The following MMS22L variants were observed in gnomAD, a reference collection of about 807,000 sequenced individuals.
MMS22L encodes MMS22 like, DNA repair protein, also known as protein MMS22-like.
MMS22L carries 74 observed loss-of-function variants against 159.1 expected under a neutral mutation model. That is an observed-to-expected ratio of 0.47 (90% CI 0.39 to 0.56). MMS22L has a LOEUF of 0.56. Among genes scored for constraint, MMS22L ranks in the 20% least tolerant of loss-of-function variants. MMS22L has a pLI of 0.00. For missense variants in MMS22L, 1,351 were observed against 1,422.1 expected, an observed-to-expected ratio of 0.95 and a Z score of 0.80; for synonymous variants, 517 against 506.9, an observed-to-expected ratio of 1.02 and a Z score of -0.27.
chr6:97,240,766 A>T (rs1811969560), intron 11 of MMS22L, among the ~76,000 whole-genome samples: 1 of 152,150 alleles, frequency 6.6e-6, no homozygotes, highest in South Asian at 2.1e-4. Flanking sequence ...AGATGAGATT[A>T]CAGGCACATG....
In MMS22L at chr6:97,228,996, T is replaced by C; in HGVS notation, c.1937A>G (p.Glu646Gly). 6.2e-7 allele frequency: 1 copy of C among 1,614,172 alleles called. No homozygotes were observed. Among genetic ancestry groups the C allele is most frequent in the Middle Eastern group, 1.6e-4 (1 of 6,062 alleles). Residue 646 changes from glutamate (E) to glycine (G), a missense_variant, in exon 14 of 25, where the codon GAA becomes GGA. Coordinates refer to ENST00000683635, the MANE Select transcript of MMS22L (RefSeq NM_001350599.2). The stretch of plus-strand genomic sequence containing the variant: ...ACTAAATCCATCATTAAGCAGTTTT[T>C]CATGGGAAGGATACAAGCAATAGCT... Reference protein sequence around the residue: ...ETSYCLYPSHEKLLNDGFSML... With the variant: ...ETSYCLYPSHGKLLNDGFSML...
intron 22 of MMS22L, among the ~76,000 whole-genome samples, chr6:97,155,936 TCA>T (rs1265410011): frequency 6.6e-6 from 1 of 152,084 alleles, no homozygotes; most frequent in Non-Finnish European, 1.5e-5. Context: ...TTGAACTAAT[TCA>T]CACTCCCAAC....
At position 97,228,980 on chromosome 6, in the gene MMS22L, A is replaced by G. The variant is rs756521734; in HGVS notation, c.1953T>C (p.Asp651=). The change falls in exon 14 of 25, where the codon GAT becomes GAC. Residue 651 remains aspartate, a synonymous_variant. Coordinates refer to ENST00000683635, the MANE Select transcript of MMS22L (RefSeq NM_001350599.2). ...ATGCTCGCAGAAGCATACTAAATCC[A>G]TCATTAAGCAGTTTTTCATGGGAAG... is the stretch of plus-strand genomic sequence containing the variant. ...LYPSHEKLLN[D]GFSMLLRACR... The G allele has an allele frequency of 3.1e-6, 5 of 1,614,154 alleles. No individual in the cohort carries two copies. The highest frequency in any genetic ancestry group is 4.2e-6 in the Non-Finnish European group (5 of 1,180,006).
At chr6:97,282,773 T>G (rs1055389074) in intron 1 of MMS22L, among the ~76,000 whole-genome samples, 1 of 152,184 alleles carries the variant, frequency 6.6e-6, no homozygotes, top group African/African-American at 2.4e-5. Flanking sequence ...AGTCGGGCTC[T>G]GCAGCCCAGG....
chr6:97,273,965 CT>C (rs1816009553), intron 4 of MMS22L, among the ~76,000 whole-genome samples: 1 of 152,122 alleles, frequency 6.6e-6, no homozygotes, highest in Non-Finnish European at 1.5e-5. Context: ...AAAATCAAAA[CT>C]CCTAATAATA....
intron 11 of MMS22L, among the ~76,000 whole-genome samples, chr6:97,243,805 C>A (rs1222040988): frequency 1.3e-5 from 2 of 152,174 alleles, no homozygotes; most frequent in Non-Finnish European, 2.9e-5. Flanking sequence ...TTCCTGAGAG[C>A]CAGACTGCAG....
At chr6:97,250,563 T>A (rs1813136494) in intron 10 of MMS22L, among the ~76,000 whole-genome samples, 1 of 152,124 alleles carries the variant, frequency 6.6e-6, no homozygotes. Flanking sequence ...TCTCATCTTG[T>A]CTGAGAGAAA....
chr6:97,205,901 A>G (rs997743472), intron 14 of MMS22L, among the ~76,000 whole-genome samples: 1 of 152,166 alleles, frequency 6.6e-6, no homozygotes, highest in African/African-American at 2.4e-5. Context: ...TAACTCTTCT[A>G]TTTGCAAAAT....
chr6:97,159,607 C>G (rs560370377), intron 22 of MMS22L, among the ~76,000 whole-genome samples: 2 of 151,862 alleles, frequency 1.3e-5, no homozygotes, highest in African/African-American at 4.8e-5. Context: ...TATATAGGTC[C>G]AGCATTCCAA....
chr6:97,201,497 C>T (rs577825604), intron 14 of MMS22L, among the ~76,000 whole-genome samples: 2 of 152,244 alleles, frequency 1.3e-5, no homozygotes, highest in South Asian at 2.1e-4. Flanking sequence ...CTGTTAGACC[C>T]AATAGTTTAT....
intron 3 of MMS22L, among the ~76,000 whole-genome samples, chr6:97,280,679 C>T (rs961804475): frequency 2.6e-5 from 4 of 151,886 alleles, no homozygotes; most frequent in African/African-American, 4.8e-5. Flanking sequence ...ATGGGTGAAA[C>T]GACATGATGC....
In MMS22L at chr6:97,252,469, A is replaced by T. The variant is rs533445649; in HGVS notation, c.1119+2088T>A. On this transcript the variant is annotated intron_variant, in intron 10 of 24. Transcript: ENST00000683635. ...AAACCAGCCTGGCCAACATGGTGAA[A>T]CCCCATCTCTACTAAAAATACAAAA... Among the ~76,000 whole-genome samples the T allele has an allele frequency of 1.7e-4, 26 of 151,872 alleles. No homozygotes were observed. In the South Asian group the frequency reaches 5.2e-3, roughly 30 times the overall value.
At chr6:97,168,424 T>A (rs1272278380) in intron 19 of MMS22L, among the ~76,000 whole-genome samples, 184 bp from the exon 20 acceptor site, 1 of 152,078 alleles carries the variant, frequency 6.6e-6, no homozygotes, top group Non-Finnish European at 1.5e-5. Flanking sequence ...GAGACAAATT[T>A]TTCATAGAGT....
chr6:97,239,732 A>T (rs1345215715), intron 11 of MMS22L, among the ~76,000 whole-genome samples: 3 of 152,210 alleles, frequency 2.0e-5, no homozygotes, highest in African/African-American at 7.2e-5. Flanking sequence ...TGGGAAACAC[A>T]GCAAGATCTG....
intron 17 of MMS22L, among the ~76,000 whole-genome samples, 155 bp from the exon 18 acceptor site, chr6:97,178,740 G>A (rs1449682748): frequency 2.0e-5 from 3 of 151,820 alleles, no homozygotes; most frequent in East Asian, 3.9e-4. Flanking sequence ...TCCACACAAG[G>A]ACTTCAAATT....
At position 97,142,723 on chromosome 6, in the gene MMS22L, C is replaced by G. The variant is rs1800698118; in HGVS notation, c.*4083G>C. The G allele has an allele frequency of 6.6e-6, 1 of 152,066 alleles. No individual in the cohort carries two copies. The highest frequency in any genetic ancestry group is 2.4e-5 in the African/African-American group (1 of 41,410). 9.4% of individuals were successfully genotyped at this position (152,066 alleles called of 1,614,324 possible). On this transcript the variant is annotated 3_prime_UTR_variant, in exon 25 of 25. Transcript: ENST00000683635. ...TAAAGGCTTTTCCTAACTGTAGAAG[C>G]TTGTCAAATTTTTATATAACATACA...
At position 97,169,939 on chromosome 6, in the gene MMS22L, G is replaced by A. The variant is rs539560410; in HGVS notation, c.2840-1699C>T. ...ACCACGTGGTATAGTTTAGTTGCCCGTGGTATAGGATACCAATAAGATATT... is the reference window on the plus strand; with the variant it reads ...ACCACGTGGTATAGTTTAGTTGCCCATGGTATAGGATACCAATAAGATATT... On this transcript the variant is annotated intron_variant, in intron 19 of 24. Transcript: ENST00000683635. Among the ~76,000 whole-genome samples, 116 of 152,176 alleles carry A rather than the reference G, an allele frequency of 7.6e-4. 1 individual carries two copies. The highest frequency in any genetic ancestry group is 2.6e-3 in the African/African-American group (108 of 41,536).
At chr6:97,241,557 T>C (rs899234425) in intron 11 of MMS22L, among the ~76,000 whole-genome samples, 1 of 152,172 alleles carries the variant, frequency 6.6e-6, no homozygotes, top group African/African-American at 2.4e-5. Context: ...ATTAGTGATG[T>C]TGAGCATTTT....
At chr6:97,216,172 T>C (rs1808993766) in intron 14 of MMS22L, among the ~76,000 whole-genome samples, 3 of 152,212 alleles carry the variant, frequency 2.0e-5, no homozygotes, top group African/African-American at 7.2e-5. Flanking sequence ...TGTACTCTGA[T>C]GTTTTCTACA....
Sources: gnomAD v4.1 joint callset for allele counts (sites outside exome capture counted in the v4.1 genomes callset) on GRCh38, gnomAD v4.1.1 for gene constraint, MANE v1.5 for transcripts, NCBI Gene and HGNC (gene_info 2026-07-23, HGNC 2026-07-21) for gene names.